The following RBM27 variants were observed in gnomAD, a reference collection of about 807,000 sequenced individuals.
RBM27 encodes the protein RNA binding motif protein 27.
Under a neutral mutation model 135.3 loss-of-function variants are expected in RBM27, and 22 were observed. That is an observed-to-expected ratio of 0.16 (90% CI 0.12 to 0.23). The LOEUF (loss-of-function observed/expected upper bound fraction) is 0.23. RBM27 is among the 10% of genes least tolerant of loss of function. The probability of loss-of-function intolerance (pLI) is 1.00; values close to 1 mark genes in which losing one functional copy is unlikely to be tolerated. For missense variants in RBM27, 1,009 were observed against 1,281.0 expected (o/e 0.79, Z 3.24); for synonymous variants, 481 against 442.4 (o/e 1.09, Z -1.10).
At position 146,211,396 on chromosome 5, in the gene RBM27, C is replaced by G. The variant is rs1581133821; in HGVS notation, c.59+7572C>G. On this transcript the variant is annotated intron_variant, in intron 1 of 20. Coordinates refer to ENST00000265271, the MANE Select transcript of RBM27 (RefSeq NM_018989.2). Reference sequence around the variant, plus strand: ...AGTAGAAGTACCAATATATGTGTATCTTTAATAAATATTAACAAATGTGAA... The same window carrying G: ...AGTAGAAGTACCAATATATGTGTATGTTTAATAAATATTAACAAATGTGAA... Among the ~76,000 whole-genome samples the G allele has an allele frequency of 2.1e-5, 3 of 142,122 alleles. No individual in the cohort carries two copies. In the Admixed American group the frequency reaches 2.2e-4, roughly 10 times the overall value. 93.2% of individuals were successfully genotyped at this position (142,122 alleles called of 152,430 possible).
intron 10 of RBM27, among the ~76,000 whole-genome samples, chr5:146,255,675 G>A (rs1032536672): frequency 1.3e-5 from 2 of 151,974 alleles, no homozygotes; most frequent in Non-Finnish European, 2.9e-5. Context: ...CCACTAAAAA[G>A]GTTGGTTAAT....
At chr5:146,219,832 C>T (rs2126711503) in intron 2 of RBM27, among the ~76,000 whole-genome samples, 1 of 152,232 alleles carries the variant, frequency 6.6e-6, no homozygotes, top group South Asian at 2.1e-4. Context: ...TGCCTCCATC[C>T]ACTCTCCTCC....
chr5:146,203,979 G>T (rs1755509138), intron 1 of RBM27, among the ~76,000 whole-genome samples, 155 bp downstream of exon 1: 1 of 152,062 alleles, frequency 6.6e-6, no homozygotes, highest in African/African-American at 2.4e-5. Context: ...CCATTGTGGT[G>T]GGGGTGAGGG....
At chr5:146,207,495 G>T (rs1057321764) in intron 1 of RBM27, among the ~76,000 whole-genome samples, 2 of 151,958 alleles carry the variant, frequency 1.3e-5, no homozygotes, top group Non-Finnish European at 2.9e-5. Context: ...TTACAGGCAT[G>T]AGCCACTGCG....
chr5:146,239,529 G>A (rs1244308608), intron 8 of RBM27, among the ~76,000 whole-genome samples: 1 of 138,002 alleles, frequency 7.2e-6, no homozygotes, highest in Admixed American at 7.7e-5. Flanking sequence ...CCAGGCTGGA[G>A]TACAGTGGTG....
intron 1 of RBM27, among the ~76,000 whole-genome samples, chr5:146,211,258 C>T (rs1007623287): frequency 1.3e-5 from 2 of 151,998 alleles, no homozygotes; most frequent in East Asian, 1.9e-4. Context: ...CCAGCCTGGG[C>T]AACAGAATGA....
intron 10 of RBM27, among the ~76,000 whole-genome samples, chr5:146,255,650 C>T (rs1758069809): frequency 6.6e-6 from 1 of 152,006 alleles, no homozygotes; most frequent in African/African-American, 2.4e-5. Context: ...GGCTGATAAC[C>T]TCCTACCTAC....
chr5:146,203,665 T>C lies in RBM27; in HGVS notation c.-101T>C. 1 of 1,105,218 alleles carries C rather than the reference T, an allele frequency of 9.0e-7. No individual in the cohort carries two copies. The highest frequency in any genetic ancestry group is 1.3e-6 in the Non-Finnish European group (1 of 748,940). 68.5% of individuals were successfully genotyped at this position (1,105,218 alleles called of 1,614,324 possible). A position where few individuals can be genotyped will look rare whatever the true frequency, so the allele number is the denominator to read the frequency against. ...AAGTCTCCTAAGATGCCCGGTGGGC[T>C]GGGGCACCGGGAGCTGTGAAGGGAA... On this transcript the variant is annotated 5_prime_UTR_variant, in exon 1 of 21. Transcript: ENST00000265271.
intron 19 of RBM27, among the ~76,000 whole-genome samples, chr5:146,279,486 T>C (rs550844328): frequency 1.4e-5 from 2 of 146,762 alleles, no homozygotes; most frequent in African/African-American, 5.0e-5. Context: ...CTTTTAAAAA[T>C]AAAAATATAA....
chr5:146,282,528 A>AT (rs981433448), intron 19 of RBM27, among the ~76,000 whole-genome samples: 6 of 152,332 alleles, frequency 3.9e-5, no homozygotes, highest in African/African-American at 1.4e-4. Flanking sequence ...GAGCATGTAC[A>AT]TTTTTTGTCA....
In RBM27 at chr5:146,233,541, T is replaced by C. The variant is rs544871747; in HGVS notation, c.942T>C (p.Ile314=). Residue 314 remains isoleucine, a synonymous_variant, in exon 7 of 21, where the codon ATT becomes ATC. Coordinates refer to ENST00000265271, the MANE Select transcript of RBM27 (RefSeq NM_018989.2). ...ATGAAGTTGCTCTGCCAAGTATGAT[T>C]CCTTTCCCACCCCCTCCTCCTGGGC... ...VVDEVALPSM[I]PFPPPPPGLP... 277 of 1,613,560 alleles carry C rather than the reference T, an allele frequency of 1.7e-4. 2 individuals carry two copies. The South Asian group carries it at 2.7e-3, about 16-fold the overall frequency.
rs775368650 is a variant in RBM27, at chr5:146,269,580, C to T, written c.2687C>T (p.Thr896Met). Residue 896 changes from threonine (T) to methionine (M), a missense_variant, in exon 17 of 21, where the codon ACG becomes ATG. Around this residue, in one of 6 missense-constraint regions of RBM27, gnomAD observed 355 missense variants for 427.3 expected, o/e 0.83. Transcript: ENST00000265271. ...ACACCATCTAAAGTGAAGACAAAAA[C>T]GGAGGTATCTATTTGCATTTTTTAT... ...VSTPSKVKTK[T>M]EAQKELLDTE... 22 of 1,529,868 alleles carry T rather than the reference C, an allele frequency of 1.4e-5. No homozygotes were observed. The East Asian group carries it at 3.3e-4, about 23-fold the overall frequency. 94.8% of individuals were successfully genotyped at this position (1,529,868 alleles called of 1,614,324 possible).
intron 19 of RBM27, among the ~76,000 whole-genome samples, chr5:146,283,878 C>G (rs754259140): frequency 2.6e-5 from 4 of 152,104 alleles, no homozygotes; most frequent in Non-Finnish European, 5.9e-5. Flanking sequence ...TTTAGAACCC[C>G]CAGTTCTATA....
intron 19 of RBM27, 148 bp from the exon 20 acceptor site, chr5:146,284,473 AT>A (rs970267278): frequency 2.3e-4 from 142 of 625,548 alleles, no homozygotes; most frequent in Middle Eastern, 4.4e-4. Flanking sequence ...AAGGGACTTT[AT>A]TTTTTTTAGC....
intron 9 of RBM27, 65 bp from the exon 10 acceptor site, chr5:146,254,878 A>G (rs1758042995): frequency 7.5e-7 from 1 of 1,339,146 alleles, no homozygotes; most frequent in African/African-American, 1.5e-5. Flanking sequence ...TTATTTTATA[A>G]CAATGAGAGA....
chr5:146,269,690 G>C (rs1443844457), intron 17 of RBM27, 106 bp downstream of exon 17: 1 of 610,406 alleles, frequency 1.6e-6, no homozygotes, highest in Admixed American at 4.2e-5. Flanking sequence ...ATCCTAACAG[G>C]GATATAGGCA....
At chr5:146,260,709 G>T in intron 11 of RBM27, 36 bp from the exon 12 acceptor site, 2 of 1,536,024 alleles carry the variant, frequency 1.3e-6, no homozygotes, top group Non-Finnish European at 1.8e-6. Flanking sequence ...GCATGAAGTA[G>T]GAGAATTAAC....
chr5:146,208,807 A>G (rs1205630043), intron 1 of RBM27, among the ~76,000 whole-genome samples: 1 of 152,252 alleles, frequency 6.6e-6, no homozygotes, highest in Non-Finnish European at 1.5e-5. Flanking sequence ...CTGCATTTCT[A>G]TCAAAACATG....
intron 11 of RBM27, among the ~76,000 whole-genome samples, 172 bp downstream of exon 11, chr5:146,258,765 A>G (rs937585473): frequency 6.6e-6 from 1 of 150,504 alleles, no homozygotes; most frequent in African/African-American, 2.5e-5. Flanking sequence ...AACAATATTT[A>G]TAATTTTTTT....
Sources: allele counts gnomAD v4.1 joint callset (sites outside exome capture counted in the v4.1 genomes callset), GRCh38; gene constraint gnomAD v4.1.1; regional missense constraint gnomAD v4.1.1; transcripts MANE v1.5; gene names NCBI Gene and HGNC (gene_info 2026-07-23, HGNC 2026-07-21).